Variants in MAGED1 observed in about 807,000 individuals in gnomAD.
The protein encoded by MAGED1 is melanoma-associated antigen D1.
MAGED1 carries 3 observed loss-of-function variants against 54.1 expected under a neutral mutation model. That is an observed-to-expected ratio of 0.06 (90% CI 0.03 to 0.14). The LOEUF (loss-of-function observed/expected upper bound fraction) is 0.14, where lower values mean the gene tolerates loss of function less well. Among genes scored for constraint, MAGED1 ranks in the 10% least tolerant of loss-of-function variants. The pLI is 1.00. For synonymous variants in MAGED1, 217 were observed against 227.3 expected, an observed-to-expected ratio of 0.95 and a Z score of 0.41; for missense variants, 485 against 623.4, an observed-to-expected ratio of 0.78 and a Z score of 2.36.
intron 1 of MAGED1, among the ~76,000 whole-genome samples, chrX:51,844,073 A>G: frequency 8.9e-6 from 1 of 111,808 alleles, no homozygotes; most frequent in Non-Finnish European, 1.9e-5. Context: ...CTTTAAAGGT[A>G]TTGCTGGTGA....
At chrX:51,880,213 T>TACCCAAAGAGATAGTTGG (rs1327033651) in intron 1 of MAGED1, among the ~76,000 whole-genome samples, 6 of 111,953 alleles carry the variant, frequency 5.4e-5, no homozygotes, top group Admixed American at 9.4e-5. Flanking sequence ...TGATATATGA[T>TACCCAAAGAGATAGTTGG]ACCCAAAGAG....
Position 51,873,632 on chromosome X carries a change from C to G in MAGED1, c.-36-20637C>G, listed in dbSNP as rs551749567. On this transcript the variant is annotated intron_variant, in intron 1 of 12. Coordinates refer to the MAGED1 transcript ENST00000375772. ...TCATTTGGATATGAGTAACAAGGAC[C>G]TAAAAATGAGTTGCTTAAAATAATT... Among the ~76,000 whole-genome samples the G allele has an allele frequency of 9.9e-4, 108 of 108,616 alleles. 3 individuals are homozygous for G. The South Asian group carries it at 0.042, about 43-fold the overall frequency. 94.3% of individuals were successfully genotyped at this position (108,616 alleles called of 115,157 possible).
In MAGED1 at chrX:51,902,308, C is replaced by T; in HGVS notation, c.*171C>T. 7.1e-6 allele frequency: 1 copy of T among 140,618 alleles called. No homozygotes were observed. Among genetic ancestry groups the T allele is most frequent in the Non-Finnish European group, 1.4e-5 (1 of 71,770 alleles). The allele number at this position is 140,618 out of a possible 1,213,427, so 11.6% of individuals were successfully genotyped here. On this transcript the variant is annotated 3_prime_UTR_variant, in exon 13 of 13. Coordinates refer to ENST00000326587, the MANE Select transcript of MAGED1 (RefSeq NM_006986.4). Reference sequence around the variant, plus strand: ...CTACTGCTTTTTTTCCCCTTGTGTGCTGTCAAGTTTTGGTATCAGAAATAA... The same window carrying T: ...CTACTGCTTTTTTTCCCCTTGTGTGTTGTCAAGTTTTGGTATCAGAAATAA...
At chrX:51,821,455 A>G (rs1925628755) in intron 1 of MAGED1, among the ~76,000 whole-genome samples, 1 of 111,000 alleles carries the variant, frequency 9.0e-6, no homozygotes, top group African/African-American at 3.3e-5. Context: ...CAGTGGTGCA[A>G]TCTCTGCTCA....
chrX:51,828,125 C>T (rs1371007067), intron 1 of MAGED1, among the ~76,000 whole-genome samples: 5 of 111,826 alleles, frequency 4.5e-5, no homozygotes, highest in African/African-American at 1.6e-4. Flanking sequence ...TCTCTCTTTG[C>T]ATATCATTTA....
intron 1 of MAGED1, among the ~76,000 whole-genome samples, chrX:51,805,361 C>T (rs1486510933): frequency 9.0e-6 from 1 of 110,913 alleles, no homozygotes; most frequent in Non-Finnish European, 1.9e-5. Context: ...ATGCTAAAAC[C>T]AAGACTAGGA....
chrX:51,888,344 G>C (rs782280815), intron 1 of MAGED1, among the ~76,000 whole-genome samples: 6 of 111,567 alleles, frequency 5.4e-5, no homozygotes, highest in African/African-American at 2.0e-4. Context: ...TAATCAAAGA[G>C]GATATATGGA....
chrX:51,843,400 G>T (rs782320274), intron 1 of MAGED1, among the ~76,000 whole-genome samples: 2 of 111,590 alleles, frequency 1.8e-5, no homozygotes, highest in Non-Finnish European at 3.8e-5. Context: ...AGGGGAATTA[G>T]AGTTATAGAG....
intron 1 of MAGED1, among the ~76,000 whole-genome samples, chrX:51,875,566 G>A (rs956394272): frequency 9.0e-6 from 1 of 111,590 alleles, no homozygotes; most frequent in Admixed American, 9.5e-5. Flanking sequence ...CAGGTTGGAG[G>A]GCAAAATCCT....
intron 1 of MAGED1, among the ~76,000 whole-genome samples, chrX:51,880,684 A>AT (rs1928021312): frequency 1.8e-5 from 2 of 111,498 alleles, no homozygotes; most frequent in Non-Finnish European, 3.8e-5. Context: ...TCAAGGCCAG[A>AT]GTGAGATGTG....
At chrX:51,842,745 G>A (rs1019670998) in intron 1 of MAGED1, among the ~76,000 whole-genome samples, 1 of 111,295 alleles carries the variant, frequency 9.0e-6, no homozygotes, top group African/African-American at 3.3e-5. Flanking sequence ...GGGTGCAGTG[G>A]AGTGGTCTTG....
chrX:51,832,413 TTCTA>T (rs1434910643), intron 1 of MAGED1, among the ~76,000 whole-genome samples: 2 of 111,495 alleles, frequency 1.8e-5, no homozygotes, highest in Admixed American at 1.9e-4. Flanking sequence ...ATCTTATTCA[TTCTA>T]TCTAACTGTA....
intron 1 of MAGED1, among the ~76,000 whole-genome samples, chrX:51,845,183 G>T (rs1311791568): frequency 9.0e-6 from 1 of 111,512 alleles, no homozygotes; most frequent in African/African-American, 3.3e-5. Context: ...CCCAGGAGGC[G>T]GAGGTTGCAG....
At chrX:51,863,769 T>C (rs1176504012) in intron 1 of MAGED1, among the ~76,000 whole-genome samples, 2 of 112,114 alleles carry the variant, frequency 1.8e-5, no homozygotes, top group Non-Finnish European at 3.8e-5. Flanking sequence ...GGCATTTGTA[T>C]GTCTTCCTTG....
chrX:51,900,090 T>TGGG, intron 10 of MAGED1, 92 bp from the exon 11 acceptor site: 1 of 576,602 alleles, frequency 1.7e-6, no homozygotes, highest in East Asian at 3.7e-5. Context: ...AGTTGCTATC[T>TGGG]GAAATCTGTT....
chrX:51,820,341 A>C (rs781999555), intron 1 of MAGED1, among the ~76,000 whole-genome samples: 1 of 112,321 alleles, frequency 8.9e-6, no homozygotes, highest in South Asian at 3.7e-4. Context: ...TAGGAATTTC[A>C]GTGAATCTAT....
At chrX:51,889,627 C>CAAAAA (rs1170454113), upstream of MAGED1, among the ~76,000 whole-genome samples, 3 of 16,914 alleles carry the variant, frequency 1.8e-4, no homozygotes, top group Non-Finnish European at 2.6e-4. Flanking sequence ...GACTCTGTCT[C>CAAAAA]AAAAAAAAAA....
intron 1 of MAGED1, among the ~76,000 whole-genome samples, chrX:51,845,251 A>G (rs1337233631): frequency 9.0e-6 from 1 of 111,479 alleles, no homozygotes; most frequent in East Asian, 2.8e-4. Flanking sequence ...CTCTGTCTCA[A>G]AAACAAGCAA....
At chrX:51,897,999 G>T in intron 7 of MAGED1, 113 bp downstream of exon 7, 1 of 890,971 alleles carries the variant, frequency 1.1e-6, no homozygotes, top group Non-Finnish European at 1.6e-6. Context: ...CATGGGCAGA[G>T]CTGGGGTATA....
Sources: allele counts gnomAD v4.1 joint callset (sites outside exome capture counted in the v4.1 genomes callset), GRCh38; gene constraint gnomAD v4.1.1; transcripts MANE v1.5; gene names NCBI Gene and HGNC (gene_info 2026-07-23, HGNC 2026-07-21).